The following CLYBL variants were observed in gnomAD, a reference collection of about 807,000 sequenced individuals.
CLYBL encodes citramalyl-CoA lyase, mitochondrial.
CLYBL carries 31 observed loss-of-function variants against 38.9 expected under a neutral mutation model. That is an observed-to-expected ratio of 0.80 (90% CI 0.60 to 1.08). The LOEUF is 1.08. Ranked by LOEUF, CLYBL falls within the 50% of genes least tolerant of loss-of-function variation. The pLI, the probability that CLYBL is intolerant of heterozygous loss-of-function variation, is 0.00. For missense variants in CLYBL, 434 were observed against 411.6 expected (o/e 1.05, Z -0.47); for synonymous variants, 171 against 158.6 (o/e 1.08, Z -0.59).
intron 2 of CLYBL, among the ~76,000 whole-genome samples, chr13:99,838,691 A>G (rs1249025209): frequency 6.6e-6 from 1 of 152,186 alleles, no homozygotes; most frequent in East Asian, 1.9e-4. Context: ...GCTGGAGTGC[A>G]GTGGCGCAAT....
chr13:99,851,276 A>G (rs1180591558), intron 2 of CLYBL, among the ~76,000 whole-genome samples: 1 of 148,674 alleles, frequency 6.7e-6, no homozygotes, highest in Non-Finnish European at 1.5e-5. Context: ...CTGAGGCAGG[A>G]GAATCACTTG....
intron 1 of CLYBL, among the ~76,000 whole-genome samples, chr13:99,692,014 A>G (rs2047910229): frequency 6.6e-6 from 1 of 152,212 alleles, no homozygotes; most frequent in Non-Finnish European, 1.5e-5. Context: ...TTCAGAACGT[A>G]GAAACTCAGT....
chr13:99,633,892 G>C (rs192837082), intron 1 of CLYBL, among the ~76,000 whole-genome samples: 56 of 152,262 alleles, frequency 3.7e-4, no homozygotes, highest in Non-Finnish European at 6.8e-4. Flanking sequence ...AGAGACCTGT[G>C]GGACAGTACC....
At chr13:99,793,384 G>C (rs1458205130) in intron 2 of CLYBL, among the ~76,000 whole-genome samples, 2 of 152,082 alleles carry the variant, frequency 1.3e-5, no homozygotes, top group Non-Finnish European at 2.9e-5. Flanking sequence ...TAGGAATTAG[G>C]ATATCTGAGT....
intron 9 of CLYBL, among the ~76,000 whole-genome samples, chr13:99,907,058 C>T (rs777811837): frequency 1.4e-4 from 22 of 152,148 alleles, no homozygotes; most frequent in Non-Finnish European, 2.8e-4. Flanking sequence ...CTAAGTCAAT[C>T]GGGAGACATT....
intron 1 of CLYBL, among the ~76,000 whole-genome samples, chr13:99,632,261 G>A (rs940017612): frequency 7.2e-5 from 11 of 152,214 alleles, no homozygotes; most frequent in Admixed American, 4.6e-4. Flanking sequence ...TGGTGAAAAA[G>A]TAGCAGCTTT....
chr13:99,739,565 G>C (rs1345844587), intron 1 of CLYBL, among the ~76,000 whole-genome samples: 1 of 152,186 alleles, frequency 6.6e-6, no homozygotes, highest in African/African-American at 2.4e-5. Context: ...TCAGTTCTTT[G>C]GCCATGTTCT....
At chr13:99,903,956 G>A (rs1206889549) in intron 8 of CLYBL, among the ~76,000 whole-genome samples, 1 of 151,864 alleles carries the variant, frequency 6.6e-6, no homozygotes, top group Admixed American at 6.6e-5. Flanking sequence ...GATGCGGGAG[G>A]AGCACTTGAG....
chr13:99,847,426 C>G (rs1035183523), intron 2 of CLYBL, among the ~76,000 whole-genome samples: 1 of 152,202 alleles, frequency 6.6e-6, no homozygotes, highest in Non-Finnish European at 1.5e-5. Context: ...ATTACCTCCT[C>G]TAACCCGGAG....
chr13:99,656,480 T>G (rs2047332565), intron 1 of CLYBL, among the ~76,000 whole-genome samples: 1 of 152,236 alleles, frequency 6.6e-6, no homozygotes. Flanking sequence ...AGTTCATTTT[T>G]CTCTTAACAT....
exon 10 of CLYBL, among the ~76,000 whole-genome samples, chr13:99,908,460 C>A (rs1251339636): frequency 2.0e-5 from 3 of 152,238 alleles, no homozygotes; most frequent in Non-Finnish European, 4.4e-5. Context: ...AGGAATGAAG[C>A]AGCCCCGCCT....
At chr13:99,724,378 T>C (rs1358974251) in intron 1 of CLYBL, among the ~76,000 whole-genome samples, 1 of 152,182 alleles carries the variant, frequency 6.6e-6, no homozygotes, top group Non-Finnish European at 1.5e-5. Context: ...TCTTGCATAT[T>C]AAACCGAAGC....
chr13:99,607,115 C>G lies in CLYBL; in HGVS notation c.62+358C>G. On this transcript the variant is annotated intron_variant, in intron 1 of 8. Transcript: ENST00000339105. ...AACACCTGCGGTTCGTTTAACACAGCGGTTCCCAAACGGTTTGGTCTCAGG... is the reference window on the plus strand; with the variant it reads ...AACACCTGCGGTTCGTTTAACACAGGGGTTCCCAAACGGTTTGGTCTCAGG... Among the ~76,000 whole-genome samples the G allele has an allele frequency of 1.3e-5, 2 of 152,188 alleles. 1 individual carries two copies. The highest frequency in any genetic ancestry group is 2.9e-5 in the Non-Finnish European group (2 of 68,038).
chr13:99,634,244 G>A (rs1276868658), intron 1 of CLYBL, among the ~76,000 whole-genome samples: 2 of 152,280 alleles, frequency 1.3e-5, no homozygotes, highest in Admixed American at 6.5e-5. Context: ...AGGGTTCTAC[G>A]TCCAGCAAAA....
intron 1 of CLYBL, among the ~76,000 whole-genome samples, chr13:99,664,603 T>G (rs1359049018): frequency 5.3e-5 from 8 of 152,254 alleles, no homozygotes; most frequent in Non-Finnish European, 1.2e-4. Context: ...CAGGAAGATA[T>G]TATTGTCCTG....
chr13:99,668,000 A>G (rs987038296), intron 1 of CLYBL, among the ~76,000 whole-genome samples: 2 of 152,220 alleles, frequency 1.3e-5, no homozygotes, highest in Non-Finnish European at 2.9e-5. Context: ...GAGGCTGGGC[A>G]TGGTGGCTCA....
At chr13:99,741,988 ATATT>A (rs2048765380) in intron 1 of CLYBL, among the ~76,000 whole-genome samples, 1 of 152,206 alleles carries the variant, frequency 6.6e-6, no homozygotes, top group South Asian at 2.1e-4. Context: ...AGTTGTTAGA[ATATT>A]TATGTGGAAA....
At chr13:99,718,238 G>T (rs1383498911) in intron 1 of CLYBL, among the ~76,000 whole-genome samples, 1 of 152,060 alleles carries the variant, frequency 6.6e-6, no homozygotes, top group Non-Finnish European at 1.5e-5. Context: ...GTCACTTAGG[G>T]AGTAAATGAT....
intron 1 of CLYBL, among the ~76,000 whole-genome samples, chr13:99,669,318 A>G (rs2047531073): frequency 6.6e-6 from 1 of 152,116 alleles, no homozygotes; most frequent in Non-Finnish European, 1.5e-5. Context: ...TTAGCTTTGA[A>G]TGGGGAGTGA....
Sources: allele counts gnomAD v4.1 joint callset (sites outside exome capture counted in the v4.1 genomes callset), GRCh38; gene constraint gnomAD v4.1.1; transcripts MANE v1.5; gene names NCBI Gene and HGNC (gene_info 2026-07-23, HGNC 2026-07-21).